VEPH1: variants seen among roughly 807,000 people sequenced by gnomAD.
The protein encoded by VEPH1 is ventricular zone-expressed PH domain-containing protein homolog 1.
VEPH1 carries 80 observed loss-of-function variants against 85.2 expected under a neutral mutation model. The observed-to-expected ratio is 0.94, with a 90% confidence interval of 0.78 to 1.13. The LOEUF (loss-of-function observed/expected upper bound fraction) is 1.13. Ranked by LOEUF, VEPH1 falls within the 50% of genes most tolerant of loss-of-function variation. The pLI, the probability that VEPH1 is intolerant of heterozygous loss-of-function variation, is 0.00. For synonymous variants in VEPH1, 297 were observed against 348.0 expected (o/e 0.85, Z 1.63); for missense variants, 955 against 980.5 (o/e 0.97, Z 0.35).
intron 12 of VEPH1, among the ~76,000 whole-genome samples, chr3:157,267,110 T>C (rs1261069050): frequency 2.0e-5 from 3 of 148,956 alleles, no homozygotes; most frequent in East Asian, 3.9e-4. Flanking sequence ...TTCTTTTTTT[T>C]TTTTTTTTGA....
At chr3:157,408,414 G>A (rs1425431729) in intron 6 of VEPH1, among the ~76,000 whole-genome samples, 1 of 152,048 alleles carries the variant, frequency 6.6e-6, no homozygotes, top group African/African-American at 2.4e-5. Context: ...TCTAGAATAA[G>A]TAGACAGACT....
At chr3:157,493,117 T>C (rs73013634) in intron 2 of VEPH1, 7,309 of 395,484 alleles carry the variant, frequency 0.018, 210 homozygotes, top group African/African-American at 0.074. Context: ...GCCATCAAGG[T>C]TTTATGCAAT....
intron 11 of VEPH1, among the ~76,000 whole-genome samples, chr3:157,292,521 G>A (rs1186399980): frequency 1.3e-5 from 2 of 151,686 alleles, no homozygotes; most frequent in Admixed American, 6.6e-5. Context: ...GTGAAACCTC[G>A]TTTCTACTAA....
intron 2 of VEPH1, among the ~76,000 whole-genome samples, chr3:157,480,658 A>G (rs907104966): frequency 3.3e-5 from 5 of 152,162 alleles, no homozygotes; most frequent in Non-Finnish European, 5.9e-5. Flanking sequence ...GCAGTATGCC[A>G]TGGTGCATAT....
intron 9 of VEPH1, among the ~76,000 whole-genome samples, chr3:157,348,361 T>G (rs1243964466): frequency 1.3e-5 from 2 of 152,242 alleles, no homozygotes; most frequent in Non-Finnish European, 1.5e-5. Context: ...CTAGTTTATA[T>G]TCCCAACAAC....
At chr3:157,440,579 T>C (rs889636353) in intron 4 of VEPH1, among the ~76,000 whole-genome samples, 6 of 152,152 alleles carry the variant, frequency 3.9e-5, no homozygotes, top group Non-Finnish European at 8.8e-5. Flanking sequence ...AATACCTACA[T>C]ACACATACAC....
intron 9 of VEPH1, among the ~76,000 whole-genome samples, chr3:157,334,203 G>A (rs534966598): frequency 6.6e-6 from 1 of 152,304 alleles, no homozygotes; most frequent in South Asian, 2.1e-4. Flanking sequence ...TCATGTGGCT[G>A]ACATGAGAAA....
chr3:157,407,937 C>T (rs2109007988), intron 6 of VEPH1, among the ~76,000 whole-genome samples: 1 of 152,234 alleles, frequency 6.6e-6, no homozygotes, highest in East Asian at 1.9e-4. Context: ...GTAAGTTGCC[C>T]ATAGCTGGTG....
At position 157,363,443 on chromosome 3, in the gene VEPH1, T is replaced by C. The variant is rs372697978; in HGVS notation, c.1656A>G (p.Lys552=). ...EYQDKLYLHL[K]KNLSKVKAYA... is the part of the protein sequence containing the mutation. ...ATGCTTTCACTTTGCTGAGGTTTTT[T>C]TTTAAGTGCAAGTAGAGCTTATCTT... The change falls in exon 9 of 14, where the codon AAA becomes AAG. Residue 552 remains lysine (K), a synonymous_variant. Coordinates refer to ENST00000362010, the MANE Select transcript of VEPH1 (RefSeq NM_001167912.2). 2 of 1,613,566 alleles carry C rather than the reference T, an allele frequency of 1.2e-6. No individual in the cohort carries two copies. The highest frequency in any genetic ancestry group is 1.7e-6 in the Non-Finnish European group (2 of 1,179,920).
At chr3:157,349,518 G>A (rs76922208) in intron 9 of VEPH1, among the ~76,000 whole-genome samples, 206 of 151,764 alleles carry the variant, frequency 1.4e-3, no homozygotes, top group African/African-American at 4.5e-3. Context: ...ACCTAGTACT[G>A]GAAGTCTTAG....
chr3:157,479,135 A>C lies in VEPH1; in HGVS notation c.139-8606T>G, dbSNP rs539084660. Among the ~76,000 whole-genome samples the C allele has an allele frequency of 2.0e-5, 3 of 152,280 alleles. No individual in the cohort carries two copies. In the South Asian group the frequency reaches 6.2e-4, roughly 32 times the overall value. ...GGTTTTTCTGACTTGCATTCCAGAAAATATCATGTTCTTTTGAAATACATA... is the reference window on the plus strand; with the variant it reads ...GGTTTTTCTGACTTGCATTCCAGAACATATCATGTTCTTTTGAAATACATA... On this transcript the variant is annotated intron_variant, in intron 2 of 13. Transcript: ENST00000362010.
intron 12 of VEPH1, among the ~76,000 whole-genome samples, chr3:157,274,669 T>A (rs1715152832): frequency 6.6e-6 from 1 of 152,120 alleles, no homozygotes; most frequent in African/African-American, 2.4e-5. Flanking sequence ...GGATAATTTT[T>A]AATTTTTTTT....
At chr3:157,501,593 A>T (rs938410554) in intron 1 of VEPH1, among the ~76,000 whole-genome samples, 1 of 152,184 alleles carries the variant, frequency 6.6e-6, no homozygotes, top group Non-Finnish European at 1.5e-5. Flanking sequence ...GCATCTGTAG[A>T]TTCTGCTAAA....
intron 2 of VEPH1, among the ~76,000 whole-genome samples, chr3:157,481,170 A>G (rs1738001572): frequency 6.6e-6 from 1 of 151,918 alleles, no homozygotes; most frequent in Non-Finnish European, 1.5e-5. Flanking sequence ...CGAATTGTTT[A>G]AGTTATTTAT....
chr3:157,396,438 T>A (rs981037680), intron 6 of VEPH1, among the ~76,000 whole-genome samples: 1 of 152,202 alleles, frequency 6.6e-6, no homozygotes, highest in African/African-American at 2.4e-5. Context: ...TGATTTATAT[T>A]CCTTTGTGTA....
chr3:157,309,639 CTAATAT>C (rs1161868608), intron 11 of VEPH1, among the ~76,000 whole-genome samples: 1 of 151,924 alleles, frequency 6.6e-6, no homozygotes. Context: ...ACTAAGTTCA[CTAATAT>C]TAAACTTTTA....
intron 9 of VEPH1, among the ~76,000 whole-genome samples, chr3:157,329,050 A>G (rs148116756): frequency 6.6e-6 from 1 of 152,344 alleles, no homozygotes; most frequent in East Asian, 1.9e-4. Context: ...TGAAGCAGCA[A>G]TTATTAGTCC....
At chr3:157,288,455 A>G (rs188959424) in intron 11 of VEPH1, among the ~76,000 whole-genome samples, 55 of 152,292 alleles carry the variant, frequency 3.6e-4, no homozygotes, top group South Asian at 1.2e-3. Flanking sequence ...TTCTTGACAG[A>G]GGTAAGAAGT....
At chr3:157,437,183 A>G in intron 4 of VEPH1, 16 of 1,328,774 alleles carry the variant, frequency 1.2e-5, no homozygotes, top group Non-Finnish European at 1.7e-5. Flanking sequence ...CTTGTTATGC[A>G]AAAGTGAGAA....
Sources: gnomAD v4.1 joint callset for allele counts (sites outside exome capture counted in the v4.1 genomes callset) on GRCh38, gnomAD v4.1.1 for gene constraint, MANE v1.5 for transcripts, NCBI Gene and HGNC (gene_info 2026-07-23, HGNC 2026-07-21) for gene names.